Variants in TP53BP1 observed in about 807,000 individuals in gnomAD.
TP53BP1 encodes tumor protein p53 binding protein 1.
In TP53BP1, 61 loss-of-function variants were observed where a neutral mutation model predicts 200.8. That is an observed-to-expected ratio of 0.30 (90% CI 0.25 to 0.38). The LOEUF (loss-of-function observed/expected upper bound fraction) is 0.38. Ranked by LOEUF, TP53BP1 falls within the 10% of genes least tolerant of loss-of-function variation. The probability of loss-of-function intolerance (pLI) is 1.00; values close to 1 mark genes in which losing one functional copy is unlikely to be tolerated. For synonymous variants in TP53BP1, 822 were observed against 844.3 expected, an observed-to-expected ratio of 0.97 and a Z score of 0.46; for missense variants, 2,144 against 2,371.9, an observed-to-expected ratio of 0.90 and a Z score of 2.00.
chr15:43,420,264 A>G, intron 21 of TP53BP1, 41 bp downstream of exon 21: 1 of 1,578,076 alleles, frequency 6.3e-7, no homozygotes, highest in Admixed American at 1.7e-5. Flanking sequence ...TATTGCCCCA[A>G]GGCACAAAAA....
intron 18 of TP53BP1, among the ~76,000 whole-genome samples, chr15:43,425,003 T>C (rs940791702): frequency 6.6e-6 from 1 of 152,156 alleles, no homozygotes; most frequent in African/African-American, 2.4e-5. Flanking sequence ...AGAGTGGGTC[T>C]GTTATAAAAA....
intron 21 of TP53BP1, among the ~76,000 whole-genome samples, chr15:43,419,074 GC>G (rs1234147929): frequency 6.6e-6 from 1 of 152,122 alleles, no homozygotes; most frequent in Non-Finnish European, 1.5e-5. Context: ...ACAAAAATTA[GC>G]CGGGTCTGGT....
chr15:43,470,150 TAC>T, intron 10 of TP53BP1, 84 bp from the exon 11 acceptor site: 3 of 1,121,396 alleles, frequency 2.7e-6, no homozygotes, highest in South Asian at 1.4e-5. Flanking sequence ...ACAATTACAC[TAC>T]AGACATTTTC....
intron 10 of TP53BP1, among the ~76,000 whole-genome samples, chr15:43,473,185 G>A (rs572274542): frequency 5.6e-4 from 85 of 152,316 alleles, no homozygotes; most frequent in African/African-American, 1.8e-3. Flanking sequence ...TGGACCCAAA[G>A]AGTGAGCAGT....
chr15:43,438,179 A>T, intron 16 of TP53BP1, 145 bp downstream of exon 16: 1 of 611,682 alleles, frequency 1.6e-6, no homozygotes, highest in Non-Finnish European at 2.8e-6. Context: ...CAATACCACT[A>T]ATTACCTCTC....
At chr15:43,415,858 C>A (rs753325618) in intron 22 of TP53BP1, 49 bp from the exon 23 acceptor site, 1 of 1,503,536 alleles carries the variant, frequency 6.7e-7, no homozygotes, top group Non-Finnish European at 9.2e-7. Flanking sequence ...TGGTATGAGG[C>A]CCTGAACTCC....
chr15:43,469,091 C>T (rs555309086), intron 11 of TP53BP1, among the ~76,000 whole-genome samples: 3 of 152,018 alleles, frequency 2.0e-5, no homozygotes, highest in East Asian at 1.9e-4. Context: ...CAATAATTCC[C>T]CCACTTAAGG....
chr15:43,412,875 A>T, intron 24 of TP53BP1: 1 of 584,584 alleles, frequency 1.7e-6, no homozygotes, highest in South Asian at 1.7e-5. Context: ...CATAAAATAG[A>T]TAAGATCTAT....
intron 24 of TP53BP1, among the ~76,000 whole-genome samples, chr15:43,410,750 T>C (rs16957709): frequency 0.011 from 1,644 of 152,306 alleles, 33 homozygotes; most frequent in East Asian, 0.1. Context: ...AGATCCCTTA[T>C]GACGGCTCCC....
chr15:43,464,265 A>G (rs137884327), intron 11 of TP53BP1, among the ~76,000 whole-genome samples: 14 of 152,368 alleles, frequency 9.2e-5, no homozygotes, highest in Admixed American at 9.1e-4. Context: ...ACTATTCCAG[A>G]CAGAAGAAAA....
At chr15:43,443,759 G>A (rs1312222192) in intron 14 of TP53BP1, among the ~76,000 whole-genome samples, 1 of 152,092 alleles carries the variant, frequency 6.6e-6, no homozygotes, top group Non-Finnish European at 1.5e-5. Flanking sequence ...ACAGATTAAA[G>A]GTCGTACTGA....
intron 9 of TP53BP1, 152 bp from the exon 10 acceptor site, chr15:43,474,919 G>A (rs567161084): frequency 7.0e-6 from 4 of 574,562 alleles, no homozygotes; most frequent in East Asian, 2.9e-5. Context: ...GAGGCTGGTG[G>A]AAGAACCAAA....
Position 43,456,132 on chromosome 15 carries a change from C to G in TP53BP1, c.2476G>C (p.Ala826Pro), listed in dbSNP as rs757256362. The change falls in exon 12 of 28, where the codon GCA becomes CCA. Residue 826 changes from alanine to proline, a missense_variant. Around this residue, in one of 4 missense-constraint regions of TP53BP1, gnomAD observed 1,700 missense variants for 1,710.3 expected, o/e 0.99. Transcript: ENST00000382044. ...EYEGDLKSGT[A>P]ETEPVEQDSS... ...TCTTGCTCTACAGGTTCTGTTTCTGCAGTCCCTGATTTCAGATCTCCTTCA... is the reference window on the plus strand; with the variant it reads ...TCTTGCTCTACAGGTTCTGTTTCTGGAGTCCCTGATTTCAGATCTCCTTCA... The G allele has an allele frequency of 3.8e-5, 61 of 1,614,206 alleles. 1 individual carries two copies. In the Admixed American group the frequency reaches 1.0e-3, roughly 27 times the overall value.
chr15:43,474,406 G>A (rs188923318), intron 10 of TP53BP1, among the ~76,000 whole-genome samples: 99 of 150,704 alleles, frequency 6.6e-4, no homozygotes, highest in Admixed American at 2.2e-3. Context: ...GAGAGCGAGC[G>A]AGGGCTGTGA....
intron 11 of TP53BP1, among the ~76,000 whole-genome samples, chr15:43,469,072 A>G (rs1196090067): frequency 6.6e-6 from 1 of 152,198 alleles, no homozygotes; most frequent in Non-Finnish European, 1.5e-5. Flanking sequence ...AGTTGTCCCA[A>G]TAAAACTACA....
intron 12 of TP53BP1, among the ~76,000 whole-genome samples, chr15:43,451,207 A>C (rs2046158867): frequency 6.6e-6 from 1 of 151,734 alleles, no homozygotes; most frequent in Admixed American, 6.6e-5. Flanking sequence ...ATTATACTTT[A>C]AGTTTTAGGG....
At position 43,456,204 on chromosome 15, in the gene TP53BP1, A is replaced by G; in HGVS notation, c.2404T>C (p.Cys802Arg). 1.2e-6 allele frequency: 2 copies of G among 1,614,132 alleles called. No individual in the cohort carries two copies. The highest frequency in any genetic ancestry group is 1.1e-5 in the South Asian group (1 of 91,074). The change falls in exon 12 of 28, where the codon TGT (cysteine) becomes CGT (arginine). Residue 802 changes from cysteine (C) to arginine (R), a missense_variant. By Grantham distance (180) the Cys-to-Arg change is radical. Transcript: ENST00000382044. ...TTGGTGTCTAATCTATTCTCAGCAC[A>G]TGGTTCTATTTCTGGAGCAATATCC... ...WEDIAPEIEP[C>R]AENRLDTKEE...
rs1176558779 is a variant in TP53BP1 at position 43,507,954 on chromosome 15, A to G, written c.-9+2416T>C. On this transcript the variant is annotated intron_variant, in intron 1 of 27. Coordinates refer to the TP53BP1 transcript ENST00000263801. ...GGTCTTGAACTTCTGGGCTCAAGCA[A>G]TCCACCCGCCTCAGTCTCCCAAACA... Among the ~76,000 whole-genome samples, 6 of 152,248 alleles carry G rather than the reference A, an allele frequency of 3.9e-5. No homozygotes were observed. In the East Asian group the frequency reaches 1.2e-3, roughly 29 times the overall value.
intron 18 of TP53BP1, among the ~76,000 whole-genome samples, chr15:43,427,445 T>C (rs913227685): frequency 6.6e-6 from 1 of 152,210 alleles, no homozygotes; most frequent in African/African-American, 2.4e-5. Flanking sequence ...GAGAGATTTA[T>C]CAGTCTGTTC....
Sources: allele counts gnomAD v4.1 joint callset (sites outside exome capture counted in the v4.1 genomes callset), GRCh38; gene constraint gnomAD v4.1.1; regional missense constraint gnomAD v4.1.1; transcripts MANE v1.5; gene names NCBI Gene and HGNC (gene_info 2026-07-23, HGNC 2026-07-21).